The following PLEKHM1 variants were observed in gnomAD, a reference collection of about 807,000 sequenced individuals.
The protein encoded by PLEKHM1 is pleckstrin homology domain-containing family M member 1.
A neutral mutation model predicts 94.3 loss-of-function variants in PLEKHM1; 28 were observed. The observed-to-expected ratio is 0.30, with a 90% CI of 0.22 to 0.41. The LOEUF (loss-of-function observed/expected upper bound fraction) is 0.41, where lower values mean the gene tolerates loss of function less well. Among genes scored for constraint, PLEKHM1 ranks in the 10% least tolerant of loss-of-function variants. The pLI is 1.00. For missense variants in PLEKHM1, 907 were observed against 1,358.6 expected (o/e 0.67, Z 5.22); for synonymous variants, 424 against 581.2 (o/e 0.73, Z 3.89).
intron 1 of PLEKHM1, among the ~76,000 whole-genome samples, chr17:45,484,719 T>A (rs561618259): frequency 6.6e-6 from 1 of 152,284 alleles, no homozygotes; most frequent in African/African-American, 2.4e-5. Flanking sequence ...AACAGTGCCA[T>A]CACCTCAGAG....
At chr17:45,469,951 T>TA (rs1457930493) in intron 4 of PLEKHM1, among the ~76,000 whole-genome samples, 2 of 152,146 alleles carry the variant, frequency 1.3e-5, no homozygotes, top group East Asian at 1.9e-4. Context: ...CAGGCGCCTG[T>TA]AATCCCAGCT....
At chr17:45,456,917 C>G (rs1043916323) in intron 6 of PLEKHM1, among the ~76,000 whole-genome samples, 2 of 152,196 alleles carry the variant, frequency 1.3e-5, no homozygotes, top group African/African-American at 4.8e-5. Context: ...CATAGTGGCT[C>G]ACACCTGTAA....
intron 4 of PLEKHM1, among the ~76,000 whole-genome samples, chr17:45,470,994 C>G (rs1396595248): frequency 6.7e-6 from 1 of 148,804 alleles, no homozygotes; most frequent in African/African-American, 2.5e-5. Context: ...AGGATACTAT[C>G]AAGACAGTAA....
chr17:45,476,043 C>T (rs1394499724), intron 3 of PLEKHM1: 8 of 403,446 alleles, frequency 2.0e-5, no homozygotes, highest in African/African-American at 8.2e-5. Flanking sequence ...CCCAGCTACT[C>T]GGGAGGTTGA....
chr17:45,443,757 C>T (rs1407412057), intron 9 of PLEKHM1, among the ~76,000 whole-genome samples: 2 of 152,156 alleles, frequency 1.3e-5, no homozygotes, highest in South Asian at 2.1e-4. Context: ...GAGATTTCAC[C>T]ACCTGGTTAG....
At chr17:45,483,046 C>T (rs922676114) in intron 1 of PLEKHM1, among the ~76,000 whole-genome samples, 23 of 151,954 alleles carry the variant, frequency 1.5e-4, no homozygotes, top group Middle Eastern at 3.4e-3. Context: ...TAAAAAGTAC[C>T]ACTGGAACGG....
At position 45,445,346 on chromosome 17, in the gene PLEKHM1, T is replaced by G; in HGVS notation, c.2837+124A>C. The stretch of plus-strand genomic sequence containing the variant: ...CTATGCATTTGTGTATAAATTTATG[T>G]GTGTGGGTATGTGTGCACATGTGTA... On this transcript the variant is annotated intron_variant, in intron 9 of 11. Transcript: ENST00000430334. This position sits in a 1 kb window ranked among gnomAD's most constrained non-coding sequence, Gnocchi z 4.2. The G allele has an allele frequency of 1.4e-6, 1 of 739,548 alleles. No individual in the cohort carries two copies. The allele number at this position is 739,548 out of a possible 1,614,324, so 45.8% of individuals were successfully genotyped here.
chr17:45,486,986 C>T (rs1475333377), intron 1 of PLEKHM1, among the ~76,000 whole-genome samples: 1 of 152,164 alleles, frequency 6.6e-6, no homozygotes, highest in Non-Finnish European at 1.5e-5. Flanking sequence ...TTTCTGTCCT[C>T]AAAACGCTCT....
At chr17:45,441,959 G>A (rs143827834) in intron 9 of PLEKHM1, among the ~76,000 whole-genome samples, 1,673 of 152,310 alleles carry the variant, frequency 0.011, 10 homozygotes, top group Non-Finnish European at 0.015. Flanking sequence ...GAAAGGGCCA[G>A]GCAAGGGCTG....
intron 3 of PLEKHM1, chr17:45,477,650 A>T (rs546504486): frequency 1.3e-3 from 689 of 545,896 alleles, no homozygotes; most frequent in Non-Finnish European, 1.3e-3. Flanking sequence ...GCTTTTTGTG[A>T]CCAGTCTCAA....
At chr17:45,488,934 G>A (rs1294858645) in intron 1 of PLEKHM1, among the ~76,000 whole-genome samples, 1 of 152,040 alleles carries the variant, frequency 6.6e-6, no homozygotes, top group Non-Finnish European at 1.5e-5. Flanking sequence ...AGTAAACTCC[G>A]TCGAAAAAAA....
At chr17:45,489,615 C>T (rs1020355209) in intron 1 of PLEKHM1, among the ~76,000 whole-genome samples, 2 of 152,106 alleles carry the variant, frequency 1.3e-5, no homozygotes, top group South Asian at 4.2e-4. Flanking sequence ...CAGGAAAAAC[C>T]CCGGCCCCAC....
At chr17:45,457,485 G>A (rs572280520) in intron 6 of PLEKHM1, among the ~76,000 whole-genome samples, 97 of 151,848 alleles carry the variant, frequency 6.4e-4, no homozygotes, top group African/African-American at 1.8e-3. Flanking sequence ...GCTTGAACAC[G>A]GGAGGCGGAG....
At chr17:45,474,643 CTAAG>C (rs1185224644) in intron 4 of PLEKHM1, among the ~76,000 whole-genome samples, 1 of 152,204 alleles carries the variant, frequency 6.6e-6, no homozygotes, top group Non-Finnish European at 1.5e-5. Flanking sequence ...CTTGTAGAGA[CTAAG>C]TATCTTGTTT....
At chr17:45,475,897 C>T (rs2051714781) in intron 3 of PLEKHM1, 171 bp from the exon 4 acceptor site, 2 of 771,020 alleles carry the variant, frequency 2.6e-6, no homozygotes, top group East Asian at 2.7e-5. Flanking sequence ...CCTGTAATCC[C>T]AGCACTTTGG....
At chr17:45,434,675 C>T (rs1259689111), downstream of PLEKHM1, among the ~76,000 whole-genome samples, 1 of 152,058 alleles carries the variant, frequency 6.6e-6, no homozygotes, top group Non-Finnish European at 1.5e-5. Context: ...GAACTTCTGA[C>T]CTCAGATGAT....
chr17:45,487,949 C>G, intron 1 of PLEKHM1: 1 of 365,928 alleles, frequency 2.7e-6, no homozygotes, highest in Non-Finnish European at 5.4e-6. Context: ...AAAAGAATGA[C>G]AAAGTTATCC....
chr17:45,478,477 G>T (rs1452073481), intron 2 of PLEKHM1, among the ~76,000 whole-genome samples: 1 of 151,990 alleles, frequency 6.6e-6, no homozygotes, highest in Non-Finnish European at 1.5e-5. Flanking sequence ...TTAAATATTG[G>T]CCCCATCATA....
intron 5 of PLEKHM1, among the ~76,000 whole-genome samples, chr17:45,462,541 C>G (rs1245533727): frequency 6.6e-6 from 1 of 152,018 alleles, no homozygotes; most frequent in African/African-American, 2.4e-5. Flanking sequence ...CCTTCCCCAG[C>G]CTCCACCCCT....
Sources: allele counts gnomAD v4.1 joint callset (sites outside exome capture counted in the v4.1 genomes callset), GRCh38; gene constraint gnomAD v4.1.1; non-coding constraint Gnocchi (gnomAD v3.1); transcripts MANE v1.5; gene names NCBI Gene and HGNC (gene_info 2026-07-23, HGNC 2026-07-21).